DCC: variants seen among roughly 807,000 people sequenced by gnomAD.
DCC encodes DCC netrin 1 receptor, also known as netrin receptor DCC.
Under a neutral mutation model 172.5 loss-of-function variants are expected in DCC, and 58 were observed. The ratio of observed to expected loss-of-function variants is 0.34; its 90% CI spans 0.27 to 0.42. The LOEUF (loss-of-function observed/expected upper bound fraction) is 0.42. DCC is among the 10% of genes least tolerant of loss of function. DCC has a pLI of 1.00. For missense variants in DCC, 1,740 were observed against 1,791.0 expected (o/e 0.97, Z 0.51); for synonymous variants, 709 against 644.5 (o/e 1.10, Z -1.52).
intron 1 of DCC, among the ~76,000 whole-genome samples, chr18:52,380,942 A>G (rs79447137): frequency 0.013 from 1,919 of 152,198 alleles, 38 homozygotes; most frequent in African/African-American, 0.042. Flanking sequence ...GACTTAAAGG[A>G]GCTGTTCTAA....
At chr18:52,458,573 A>G (rs1160839222) in intron 1 of DCC, among the ~76,000 whole-genome samples, 2 of 151,960 alleles carry the variant, frequency 1.3e-5, no homozygotes, top group Non-Finnish European at 2.9e-5. Flanking sequence ...TCCTTCCCCC[A>G]TCCTACTCCT....
chr18:53,338,695 T>C (rs1023990696), intron 14 of DCC, among the ~76,000 whole-genome samples: 1 of 152,144 alleles, frequency 6.6e-6, no homozygotes, highest in African/African-American at 2.4e-5. Flanking sequence ...AACATAAAAA[T>C]CAGAACAATT....
At chr18:53,292,269 C>A (rs931216853) in intron 12 of DCC, among the ~76,000 whole-genome samples, 8 of 152,048 alleles carry the variant, frequency 5.3e-5, no homozygotes, top group Non-Finnish European at 1.2e-4. Flanking sequence ...TTTTTCTTCC[C>A]ATAATAGAAA....
At chr18:52,365,098 C>T (rs1984788679) in intron 1 of DCC, among the ~76,000 whole-genome samples, 1 of 152,176 alleles carries the variant, frequency 6.6e-6, no homozygotes, top group Admixed American at 6.5e-5. Flanking sequence ...GGTTTCTTCA[C>T]TATCATATGG....
chr18:52,353,402 G>T (rs945342432), intron 1 of DCC, among the ~76,000 whole-genome samples: 1 of 152,064 alleles, frequency 6.6e-6, no homozygotes, highest in Non-Finnish European at 1.5e-5. Flanking sequence ...CACATAAAAG[G>T]GACACAGAGG....
At chr18:52,377,730 C>A (rs1985412072) in intron 1 of DCC, among the ~76,000 whole-genome samples, 1 of 140,928 alleles carries the variant, frequency 7.1e-6, no homozygotes, top group African/African-American at 2.7e-5. Context: ...GACAGAGTTT[C>A]ACCCTGTTGC....
At chr18:53,225,670 A>T (rs190996652) in intron 12 of DCC, among the ~76,000 whole-genome samples, 27 of 152,328 alleles carry the variant, frequency 1.8e-4, no homozygotes. Context: ...GAAAATGGTT[A>T]TCTCAGATTG....
intron 1 of DCC, among the ~76,000 whole-genome samples, chr18:52,406,978 C>T (rs79899864): frequency 0.018 from 2,703 of 151,818 alleles, 82 homozygotes; most frequent in African/African-American, 0.062. Context: ...AGATTCACAC[C>T]GGTGCTTAAA....
chr18:53,369,570 A>G (rs1214177631), intron 15 of DCC, among the ~76,000 whole-genome samples: 2 of 151,884 alleles, frequency 1.3e-5, no homozygotes, highest in Non-Finnish European at 2.9e-5. Flanking sequence ...CTGATCTTAG[A>G]GGAAAAGTCT....
At chr18:52,856,924 A>G (rs1287957390) in intron 2 of DCC, among the ~76,000 whole-genome samples, 1 of 152,156 alleles carries the variant, frequency 6.6e-6, no homozygotes, top group Non-Finnish European at 1.5e-5. Flanking sequence ...TTCAATATGA[A>G]ATTCCAGTGC....
intron 1 of DCC, among the ~76,000 whole-genome samples, chr18:52,535,940 G>A (rs1390718196): frequency 6.6e-6 from 1 of 152,198 alleles, no homozygotes; most frequent in Admixed American, 6.5e-5. Context: ...TGGGAGCACA[G>A]AGGAGGAAAT....
chr18:53,122,222 G>A (rs538564483), intron 7 of DCC, among the ~76,000 whole-genome samples: 1 of 151,954 alleles, frequency 6.6e-6, no homozygotes, highest in African/African-American at 2.4e-5. Flanking sequence ...GCCCTTAGCT[G>A]GTATAGTTGT....
At chr18:52,908,295 T>C (rs1025306811) in intron 3 of DCC, among the ~76,000 whole-genome samples, 1 of 152,204 alleles carries the variant, frequency 6.6e-6, no homozygotes, top group Non-Finnish European at 1.5e-5. Flanking sequence ...GTCACAGGGA[T>C]ACTGACTTAA....
intron 2 of DCC, among the ~76,000 whole-genome samples, chr18:52,840,020 G>T (rs117625587): frequency 6.6e-6 from 1 of 152,128 alleles, no homozygotes; most frequent in African/African-American, 2.4e-5. Context: ...TGCCCTATAC[G>T]CAAGGTTTCT....
At position 53,088,709 on chromosome 18, in the gene DCC, G is replaced by T. The variant is rs920995056; in HGVS notation, c.1261+22543G>T. Among the ~76,000 whole-genome samples the T allele has an allele frequency of 3.9e-5, 6 of 152,042 alleles. No homozygotes were observed. In the East Asian group the frequency reaches 5.8e-4, roughly 15 times the overall value. ...AAAAAGAGAGAAGAATCAAATAGAC[G>T]CAATAAAAAATGGTAGAGTATTTTC... On this transcript the variant is annotated intron_variant, in intron 7 of 28. Coordinates refer to ENST00000442544, the MANE Select transcript of DCC (RefSeq NM_005215.4).
chr18:52,982,588 G>C (rs2041229495), intron 5 of DCC, among the ~76,000 whole-genome samples: 1 of 151,976 alleles, frequency 6.6e-6, no homozygotes. Flanking sequence ...AGTATGTTTA[G>C]AATCACCCCT....
At chr18:53,012,712 C>T in intron 5 of DCC, among the ~76,000 whole-genome samples, 1 of 151,976 alleles carries the variant, frequency 6.6e-6, no homozygotes, top group Non-Finnish European at 1.5e-5. Flanking sequence ...TGAGTTGTTA[C>T]TTAATTAAAA....
At chr18:52,617,389 T>C (rs1221862) in intron 1 of DCC, among the ~76,000 whole-genome samples, 61,981 of 151,964 alleles carry the variant, frequency 0.41, 12,790 homozygotes, top group Non-Finnish European at 0.44. Context: ...GAATGCTTAA[T>C]GTTAATGGCT....
chr18:52,434,818 C>G (rs1248957343), intron 1 of DCC, among the ~76,000 whole-genome samples: 1 of 152,124 alleles, frequency 6.6e-6, no homozygotes, highest in Non-Finnish European at 1.5e-5. Flanking sequence ...CACCTCCCCA[C>G]GCCCGTCCCT....
Sources: gnomAD v4.1 joint callset for allele counts (sites outside exome capture counted in the v4.1 genomes callset) on GRCh38, gnomAD v4.1.1 for gene constraint, MANE v1.5 for transcripts, NCBI Gene and HGNC (gene_info 2026-07-23, HGNC 2026-07-21) for gene names.